The following ZNRF1 variants were observed in gnomAD, a reference collection of about 807,000 sequenced individuals.
ZNRF1 encodes the protein zinc and ring finger 1, also known as E3 ubiquitin-protein ligase ZNRF1.
Under a neutral mutation model 18.4 loss-of-function variants are expected in ZNRF1, and 3 were observed. That is an observed-to-expected ratio of 0.16 (90% CI 0.07 to 0.42). The LOEUF (loss-of-function observed/expected upper bound fraction) is 0.42. Ranked by LOEUF, ZNRF1 falls within the 10% of genes least tolerant of loss-of-function variation. The pLI is 0.99. For synonymous variants in ZNRF1, 157 were observed against 144.2 expected (o/e 1.09, Z -0.64); for missense variants, 310 against 329.8 (o/e 0.94, Z 0.47).
chr16:75,021,603 A>G (rs2035149098), intron 1 of ZNRF1, among the ~76,000 whole-genome samples: 1 of 152,206 alleles, frequency 6.6e-6, no homozygotes, highest in Non-Finnish European at 1.5e-5. Context: ...AGCTAGTTAT[A>G]AAAGTCTGGG....
At chr16:75,061,325 G>A (rs934143146) in intron 1 of ZNRF1, among the ~76,000 whole-genome samples, 1 of 151,890 alleles carries the variant, frequency 6.6e-6, no homozygotes, top group Non-Finnish European at 1.5e-5. Context: ...CCAACCTCTG[G>A]TAACCATCCT....
At chr16:75,037,816 T>G (rs1198328015) in intron 1 of ZNRF1, among the ~76,000 whole-genome samples, 1 of 152,220 alleles carries the variant, frequency 6.6e-6, no homozygotes, top group Non-Finnish European at 1.5e-5. Flanking sequence ...CTGATTTTAG[T>G]TAGCATGGCC....
chr16:75,010,713 T>TTTTTG (rs1567464745), intron 1 of ZNRF1, among the ~76,000 whole-genome samples: 4 of 48,456 alleles, frequency 8.3e-5, no homozygotes, highest in Non-Finnish European at 1.5e-4. Flanking sequence ...TTTTTTTTGT[T>TTTTTG]TTTTTGTTTT....
intron 1 of ZNRF1, among the ~76,000 whole-genome samples, chr16:75,033,612 T>C (rs2035336622): frequency 6.6e-6 from 1 of 152,098 alleles, no homozygotes; most frequent in Non-Finnish European, 1.5e-5. Context: ...AATTTTTGTA[T>C]TTTTGGTAGA....
At chr16:75,067,938 A>G (rs986840476) in intron 1 of ZNRF1, among the ~76,000 whole-genome samples, 5 of 152,202 alleles carry the variant, frequency 3.3e-5, no homozygotes, top group African/African-American at 1.2e-4. Flanking sequence ...GCAAAACTTG[A>G]GCTGAGGTGA....
intron 1 of ZNRF1, among the ~76,000 whole-genome samples, chr16:75,016,699 C>CTTTTTT (rs35899706): frequency 3.3e-4 from 33 of 99,498 alleles, no homozygotes; most frequent in African/African-American, 8.5e-4. Flanking sequence ...CCATGCCTGG[C>CTTTTTT]TTTTTTTTTT....
intron 1 of ZNRF1, among the ~76,000 whole-genome samples, chr16:75,061,890 C>A (rs1470996316): frequency 6.6e-6 from 1 of 152,164 alleles, no homozygotes; most frequent in East Asian, 1.9e-4. Context: ...CTTTTACTGA[C>A]AATTGGCCCA....
At chr16:75,089,176 CA>C (rs35528961) in intron 1 of ZNRF1, among the ~76,000 whole-genome samples, 13,037 of 152,136 alleles carry the variant, frequency 0.086, 675 homozygotes, top group Admixed American at 0.13. Flanking sequence ...GATCATGGCT[CA>C]CTGCAGCCTC....
chr16:75,041,655 C>T (rs954833580), intron 1 of ZNRF1, among the ~76,000 whole-genome samples: 1 of 152,002 alleles, frequency 6.6e-6, no homozygotes, highest in Non-Finnish European at 1.5e-5. Flanking sequence ...ATTTGTATTT[C>T]GTTAGCTAGT....
intron 1 of ZNRF1, among the ~76,000 whole-genome samples, chr16:75,084,075 A>G (rs567122456): frequency 4.6e-5 from 7 of 152,210 alleles, no homozygotes; most frequent in Non-Finnish European, 8.8e-5. Flanking sequence ...CTTTGTCGCA[A>G]CACCTGCTCC....
At chr16:75,045,552 T>C (rs2035504109) in intron 1 of ZNRF1, among the ~76,000 whole-genome samples, 1 of 65,974 alleles carries the variant, frequency 1.5e-5, no homozygotes, top group Admixed American at 1.9e-4. Flanking sequence ...TCCATAGTAA[T>C]AGACTTGTTT....
intron 3 of ZNRF1, chr16:75,105,592 A>G (rs1257520785): frequency 2.0e-5 from 3 of 152,394 alleles, no homozygotes; most frequent in Non-Finnish European, 4.4e-5. Context: ...CAGGGTGACA[A>G]CCGGGCATGG....
At chr16:75,044,628 G>A (rs2145365775) in intron 1 of ZNRF1, among the ~76,000 whole-genome samples, 1 of 152,136 alleles carries the variant, frequency 6.6e-6, no homozygotes, top group East Asian at 1.9e-4. Flanking sequence ...ATAAAGTGCT[G>A]GGATTACAGA....
At chr16:75,049,591 G>A (rs969425929) in intron 1 of ZNRF1, among the ~76,000 whole-genome samples, 2 of 152,146 alleles carry the variant, frequency 1.3e-5, no homozygotes, top group African/African-American at 2.4e-5. Flanking sequence ...GAGCTCCGGA[G>A]TTAGAGACCA....
At chr16:75,052,330 G>A (rs139117408) in intron 1 of ZNRF1, among the ~76,000 whole-genome samples, 1 of 151,874 alleles carries the variant, frequency 6.6e-6, no homozygotes. Context: ...GAGCCCAGGA[G>A]GCAGAGGTTG....
chr16:75,084,093 C>T (rs2036046897), intron 1 of ZNRF1, among the ~76,000 whole-genome samples: 1 of 152,250 alleles, frequency 6.6e-6, no homozygotes, highest in Admixed American at 6.5e-5. Context: ...TCCCTGGTCA[C>T]TGCAGCAGTC....
chr16:75,025,641 C>G (rs557282129), intron 1 of ZNRF1, among the ~76,000 whole-genome samples: 2 of 152,136 alleles, frequency 1.3e-5, no homozygotes, highest in South Asian at 2.1e-4. Flanking sequence ...GCAAAGAGCT[C>G]GACCCCCACT....
intron 1 of ZNRF1, among the ~76,000 whole-genome samples, chr16:75,013,777 A>C (rs2035030358): frequency 1.3e-5 from 2 of 152,190 alleles, no homozygotes; most frequent in South Asian, 4.1e-4. Flanking sequence ...TGTGACTCTG[A>C]AAATGGGAAC....
intron 1 of ZNRF1, among the ~76,000 whole-genome samples, chr16:75,087,810 C>A (rs1302463267): frequency 1.3e-5 from 2 of 152,244 alleles, no homozygotes; most frequent in African/African-American, 4.8e-5. Context: ...CAAGCCCGAG[C>A]AAACTGACAT....
Sources: gnomAD v4.1 joint callset for allele counts (sites outside exome capture counted in the v4.1 genomes callset) on GRCh38, gnomAD v4.1.1 for gene constraint, MANE v1.5 for transcripts, NCBI Gene and HGNC (gene_info 2026-07-23, HGNC 2026-07-21) for gene names.